The following TENM2 variants were observed in gnomAD, a reference collection of about 807,000 sequenced individuals.
TENM2 encodes teneurin transmembrane protein 2, also known as teneurin-2.
A neutral mutation model predicts 245.2 loss-of-function variants in TENM2; 52 were observed. That is an observed-to-expected ratio of 0.21 (90% CI 0.17 to 0.27). TENM2 has a LOEUF of 0.27. TENM2 is among the 10% of genes least tolerant of loss of function. The probability of loss-of-function intolerance (pLI) is 1.00; values close to 1 mark genes in which losing one functional copy is unlikely to be tolerated. For missense variants in TENM2, 3,046 were observed against 3,666.8 expected, an observed-to-expected ratio of 0.83 and a Z score of 4.37; for synonymous variants, 1,363 against 1,438.9, an observed-to-expected ratio of 0.95 and a Z score of 1.19.
At chr5:167,776,624 A>AAAAAAAAAAAAAAAC (rs1561769493) in intron 2 of TENM2, among the ~76,000 whole-genome samples, 2 of 61,266 alleles carry the variant, frequency 3.3e-5, no homozygotes, top group African/African-American at 1.5e-4. Context: ...AAAAAAAAAA[A>AAAAAAAAAAAAAAAC]AACCATATAT....
chr5:167,287,372 G>A (rs1754350615), intron 1 of TENM2: 1 of 152,104 alleles, frequency 6.6e-6, no homozygotes, highest in Admixed American at 6.5e-5. Flanking sequence ...CAAAGAGCAG[G>A]ATCATCTCCG....
chr5:167,613,909 TA>T (rs149362547), intron 2 of TENM2, among the ~76,000 whole-genome samples: 2 of 152,040 alleles, frequency 1.3e-5, no homozygotes, highest in Non-Finnish European at 2.9e-5. Context: ...TTCTCTAAGT[TA>T]AAAAAATTAT....
At chr5:167,230,734 C>T in the TENM2 span, among the ~76,000 whole-genome samples, 2 of 152,236 alleles carry the variant, frequency 1.3e-5, no homozygotes, top group East Asian at 3.9e-4. Flanking sequence ...GATCTACCAA[C>T]AAAAGTGCTT....
At chr5:167,488,666 C>A (rs1017868498) in intron 2 of TENM2, among the ~76,000 whole-genome samples, 39 of 151,902 alleles carry the variant, frequency 2.6e-4, no homozygotes, top group African/African-American at 9.2e-4. Flanking sequence ...CCCCTTCTAC[C>A]CCCACCACAT....
intron 2 of TENM2, among the ~76,000 whole-genome samples, chr5:167,400,581 A>G (rs72829338): frequency 1.3e-5 from 2 of 151,882 alleles, no homozygotes; most frequent in Non-Finnish European, 2.9e-5. Context: ...TTAAGATAAG[A>G]AAACCATCAC....
chr5:167,756,887 G>C (rs1228955556), intron 2 of TENM2, among the ~76,000 whole-genome samples: 1 of 151,538 alleles, frequency 6.6e-6, no homozygotes, highest in Non-Finnish European at 1.5e-5. Context: ...TCAGTGACCA[G>C]TTGCAGTTGG....
At chr5:167,952,647 C>A (rs1365520574) in exon 4 of TENM2, 1 of 1,613,152 alleles carries the variant, frequency 6.2e-7, no homozygotes, top group Non-Finnish European at 8.5e-7. Context: ...CCCTCACAAC[C>A]ACACGCTGTC....
the TENM2 span, among the ~76,000 whole-genome samples, chr5:167,093,907 C>A: frequency 6.6e-6 from 1 of 152,166 alleles, no homozygotes; most frequent in East Asian, 1.9e-4. Flanking sequence ...ATCAGTGGTT[C>A]TTGAGCACAC....
At chr5:167,123,474 T>G in the TENM2 span, among the ~76,000 whole-genome samples, 2 of 152,238 alleles carry the variant, frequency 1.3e-5, no homozygotes, top group African/African-American at 4.8e-5. Flanking sequence ...CTCTCTTCTG[T>G]TGACCCATGA....
chr5:167,768,495 A>G (rs1317783725), intron 2 of TENM2, among the ~76,000 whole-genome samples: 2 of 152,196 alleles, frequency 1.3e-5, no homozygotes, highest in African/African-American at 2.4e-5. Context: ...TGGGCTTCCT[A>G]TGGAGCCTCC....
chr5:167,686,108 C>G (rs1372281617), intron 2 of TENM2, among the ~76,000 whole-genome samples: 2 of 152,170 alleles, frequency 1.3e-5, no homozygotes, highest in African/African-American at 4.8e-5. Context: ...CATAATAAGA[C>G]AGCGTGTATT....
At chr5:167,815,380 G>A (rs1766965026) in intron 2 of TENM2, among the ~76,000 whole-genome samples, 1 of 152,134 alleles carries the variant, frequency 6.6e-6, no homozygotes, top group Non-Finnish European at 1.5e-5. Context: ...TTCCAGGCAT[G>A]ACATATTAAA....
At chr5:167,903,882 G>A (rs1775895815) in intron 3 of TENM2, among the ~76,000 whole-genome samples, 1 of 152,214 alleles carries the variant, frequency 6.6e-6, no homozygotes, top group African/African-American at 2.4e-5. Flanking sequence ...TGCAGTGGAA[G>A]TTATTGGTGG....
At position 167,769,675 on chromosome 5, in the gene TENM2, AT is replaced by A. The variant is rs113452085; in HGVS notation, c.503-106303del. On this transcript the variant is annotated intron_variant, in intron 2 of 28. Transcript: ENST00000518659. ...CCTTCAACTTCCCATTTTTCCTGTG[AT>A]TTTTTTTCTATACTATGTCTGCAAA... Among the ~76,000 whole-genome samples the A allele has an allele frequency of 7.7e-3, 1,168 of 151,932 alleles. 18 individuals carry two copies. Among genetic ancestry groups the A allele is most frequent in the African/African-American group, 0.027 (1,115 of 41,436 alleles).
intron 2 of TENM2, among the ~76,000 whole-genome samples, chr5:167,514,619 G>T (rs1287833799): frequency 6.6e-6 from 1 of 152,204 alleles, no homozygotes; most frequent in Non-Finnish European, 1.5e-5. Context: ...CCCACTGGAA[G>T]CTTCCCAAGT....
rs190157936 is a variant in TENM2, at chr5:167,999,308, G to C, written c.1186+6126G>C. 9.8e-5 allele frequency among the ~76,000 whole-genome samples: 15 copies of C among 152,304 alleles called. 1 individual carries two copies. The highest frequency in any genetic ancestry group is 9.8e-4 in the Admixed American group (15 of 15,300). On this transcript the variant is annotated intron_variant, in intron 5 of 28. Transcript: ENST00000518659. ...CTCCCTGGGCCCAGATGGTCAAACT[G>C]AGAAAAAGAGAGCTGCCCACAAGTA...
chr5:167,093,112 T>C, the TENM2 span, among the ~76,000 whole-genome samples: 1 of 152,024 alleles, frequency 6.6e-6, no homozygotes, highest in African/African-American at 2.4e-5. Context: ...TAAATTACAC[T>C]AGTGGATTCT....
chr5:167,869,096 T>C (rs1772588602), intron 2 of TENM2, among the ~76,000 whole-genome samples: 1 of 152,244 alleles, frequency 6.6e-6, no homozygotes, highest in African/African-American at 2.4e-5. Context: ...CTCTGAATTC[T>C]GTGTTCTCTC....
At chr5:168,224,472 C>T (rs946775362) in intron 23 of TENM2, among the ~76,000 whole-genome samples, 2 of 152,232 alleles carry the variant, frequency 1.3e-5, no homozygotes, top group South Asian at 4.1e-4. Context: ...TCTCAGATCC[C>T]TGAAAGCCTG....
Sources: allele counts gnomAD v4.1 joint callset (sites outside exome capture counted in the v4.1 genomes callset), GRCh38; gene constraint gnomAD v4.1.1; transcripts MANE v1.5; gene names NCBI Gene and HGNC (gene_info 2026-07-23, HGNC 2026-07-21).